The following TRIB3 variants were observed in gnomAD, a reference collection of about 807,000 sequenced individuals.
TRIB3 encodes tribbles pseudokinase 3.
TRIB3 carries 20 observed loss-of-function variants against 16.6 expected under a neutral mutation model. The ratio of observed to expected loss-of-function variants is 1.20; its 90% CI spans 0.85 to 1.75. The LOEUF is 1.75. Ranked by LOEUF, TRIB3 falls within the 40% of genes most tolerant of loss-of-function variation. TRIB3 has a pLI of 0.00. For synonymous variants in TRIB3, 208 were observed against 217.0 expected, an observed-to-expected ratio of 0.96 and a Z score of 0.36; for missense variants, 484 against 488.9, an observed-to-expected ratio of 0.99 and a Z score of 0.10.
rs1396379380 is a variant in TRIB3 at position 382,498 on chromosome 20, A to C, written c.-1+1329A>C. On this transcript the variant is annotated intron_variant, in intron 1 of 3. Transcript: ENST00000217233. ...CTCAGAACAGCCTTGAGATGTAAGG[A>C]GTGTCATCCCAGCCTCGAACCTGGG... 2.6e-6 allele frequency: 4 copies of C among 1,531,656 alleles called. No homozygotes were observed. The Admixed American group carries it at 7.9e-5, about 30-fold the overall frequency. The allele number at this position is 1,531,656 out of a possible 1,614,324, so 94.9% of individuals were successfully genotyped here.
At chr20:396,173 C>A (rs6051675) in intron 3 of TRIB3, 25 bp from the exon 4 acceptor site, 14 of 1,595,522 alleles carry the variant, frequency 8.8e-6, no homozygotes, top group Non-Finnish European at 1.2e-5. Context: ...AGGACCTGAC[C>A]CTTCTGTTTC....
At chr20:392,142 C>T (rs1194674482) in intron 3 of TRIB3, among the ~76,000 whole-genome samples, 3 of 152,222 alleles carry the variant, frequency 2.0e-5, no homozygotes, top group Non-Finnish European at 2.9e-5. Flanking sequence ...CATTATCTAA[C>T]GTGGTCTTCC....
chr20:386,878 C>CT (rs1390002968), intron 1 of TRIB3, among the ~76,000 whole-genome samples: 1 of 151,786 alleles, frequency 6.6e-6, no homozygotes, highest in African/African-American at 2.4e-5. Flanking sequence ...TCACGTGCTG[C>CT]TACCTGGGAT....
intron 3 of TRIB3, 85 bp downstream of exon 3, chr20:391,664 G>C: frequency 2.0e-6 from 3 of 1,495,536 alleles, no homozygotes; most frequent in Non-Finnish European, 2.7e-6. Flanking sequence ...AGGAAGGCAA[G>C]GTAACTTAGG....
chr20:382,124 TGTGC>T (rs72270862), intron 1 of TRIB3, among the ~76,000 whole-genome samples: 18,883 of 115,360 alleles, frequency 0.16, 1,266 homozygotes, highest in Middle Eastern at 0.25. Context: ...TGTGTGTGTG[TGTGC>T]GTGCGCGCGC....
chr20:397,001 A>C lies in TRIB3; in HGVS notation c.*311A>C. On this transcript the variant is annotated 3_prime_UTR_variant, in exon 4 of 4. Coordinates refer to ENST00000217233, the MANE Select transcript of TRIB3 (RefSeq NM_021158.5). ...GAGCTGACAACACTTTTCCATGACC[A>C]TAGGTCACTGTCTACACTGGGTACA... 1 of 345,406 alleles carries C rather than the reference A, an allele frequency of 2.9e-6. No individual in the cohort carries two copies. Among genetic ancestry groups the C allele is most frequent in the African/African-American group, 2.1e-5 (1 of 48,698 alleles). The allele number at this position is 345,406 out of a possible 1,614,324, so 21.4% of individuals were successfully genotyped here. A position where few individuals can be genotyped will look rare whatever the true frequency, so the allele number is the denominator to read the frequency against.
intron 2 of TRIB3, among the ~76,000 whole-genome samples, chr20:389,054 G>A (rs1165891912): frequency 2.0e-5 from 3 of 152,286 alleles, no homozygotes; most frequent in African/African-American, 7.2e-5. Context: ...GCAGGACACT[G>A]ACAAGTGACA....
intron 2 of TRIB3, 149 bp from the exon 3 acceptor site, chr20:391,138 A>G (rs8123369): frequency 0.22 from 190,389 of 853,378 alleles, 25,670 homozygotes; most frequent in East Asian, 0.56. Flanking sequence ...TTATAGGACC[A>G]TGGTCAGGGC....
At chr20:395,176 T>G (rs1465930476) in intron 3 of TRIB3, among the ~76,000 whole-genome samples, 1 of 151,414 alleles carries the variant, frequency 6.6e-6, no homozygotes, top group African/African-American at 2.4e-5. Context: ...TTTTTTTTTT[T>G]TGAGACAGGG....
chr20:382,416 A>G (rs2014686352), intron 1 of TRIB3: 2 of 993,648 alleles, frequency 2.0e-6, no homozygotes, highest in Non-Finnish European at 3.0e-6. Flanking sequence ...GACTCCAGGC[A>G]GTCTCCTGCT....
At position 380,782 on chromosome 20, in the gene TRIB3, A is replaced by T. The variant is rs2014614115; in HGVS notation, c.-388A>T. 6.6e-6 allele frequency: 1 copy of T among 151,978 alleles called. No homozygotes were observed. The highest frequency in any genetic ancestry group is 1.5e-5 in the Non-Finnish European group (1 of 68,208). 9.4% of individuals were successfully genotyped at this position (151,978 alleles called of 1,614,324 possible). On this transcript the variant is annotated 5_prime_UTR_variant, in exon 1 of 4. Transcript: ENST00000217233. Reference sequence around the variant, plus strand: ...ACCAGACGCCCCTAGGGGGCCAGCGAGGGCGGGTCCCAGGTGCAGCGGATG... The same window carrying T: ...ACCAGACGCCCCTAGGGGGCCAGCGTGGGCGGGTCCCAGGTGCAGCGGATG...
rs56032009 is a variant in TRIB3 at position 388,182 on chromosome 20, C to G, written c.172C>G (p.Arg58Gly). ...LPLSPPTAPD[R>G]ATAVATASRL... ...CCTGAGCCCACCTACTGCTCCAGAT[C>G]GTGCAACTGCTGTGGCCACTGCCTC... The change falls in exon 2 of 4, where the codon CGT becomes GGT. Residue 58 changes from arginine to glycine, a missense_variant. Arg to Gly is a moderately radical substitution (Grantham distance 125). Transcript: ENST00000217233. The G allele has an allele frequency of 1.2e-6, 2 of 1,613,926 alleles. No homozygotes were observed. Among genetic ancestry groups the G allele is most frequent in the Non-Finnish European group, 1.7e-6 (2 of 1,180,036 alleles).
chr20:392,511 C>CT (rs1164647534), intron 3 of TRIB3, among the ~76,000 whole-genome samples: 1 of 152,000 alleles, frequency 6.6e-6, no homozygotes, highest in Admixed American at 6.6e-5. Flanking sequence ...AGAATTAGCA[C>CT]TTTTTGGTTA....
At chr20:382,514 C>T (rs1308092701) in intron 1 of TRIB3, 40 of 1,535,014 alleles carry the variant, frequency 2.6e-5, no homozygotes, top group Non-Finnish European at 3.1e-5. Context: ...ATCCCAGCCT[C>T]GAACCTGGGG....
intron 1 of TRIB3, among the ~76,000 whole-genome samples, chr20:384,078 T>G (rs1347518321): frequency 6.6e-6 from 1 of 152,114 alleles, no homozygotes; most frequent in African/African-American, 2.4e-5. Flanking sequence ...CCTCTTGATC[T>G]TCCTCCTATG....
rs766237490 is a variant in TRIB3 at position 391,505 on chromosome 20, G to A, written c.510G>A (p.Leu170=). The A allele has an allele frequency of 6.2e-7, 1 of 1,613,766 alleles. No individual in the cohort carries two copies. Among genetic ancestry groups the A allele is most frequent in the Non-Finnish European group, 8.5e-7 (1 of 1,180,016 alleles). Residue 170 remains leucine (L), a synonymous_variant, in exon 3 of 4, where the codon CTG becomes CTA. Transcript: ENST00000217233. ...TCTTCCGCCAGATGGCCACCGCCCT[G>A]GCGCACTGTCACCAGCACGGTCTGG... ...AVLFRQMATA[L]AHCHQHGLVL...
At chr20:385,387 A>C (rs533410907) in intron 1 of TRIB3, 1 of 151,434 alleles carries the variant, frequency 6.6e-6, no homozygotes, top group East Asian at 1.9e-4. Flanking sequence ...TGCTGGGATT[A>C]CAGGTGTGAG....
rs778413413 is a variant in TRIB3 at position 396,678 on chromosome 20, T to C, written c.1065T>C (p.Val355=). Residue 355 remains valine, a synonymous_variant, in exon 4 of 4, where the codon GTT becomes GTC. Coordinates refer to ENST00000217233, the MANE Select transcript of TRIB3 (RefSeq NM_021158.5). ...AREEEGDREV[V]LYG The stretch of plus-strand genomic sequence containing the variant: ...AAGAGGAGGGAGACAGAGAAGTGGT[T>C]CTGTATGGCTAGGACCACCCTACTA... The C allele has an allele frequency of 5.0e-6, 8 of 1,610,148 alleles. No individual in the cohort carries two copies. In the South Asian group the frequency reaches 7.7e-5, roughly 16 times the overall value.
chr20:394,032 CT>C (rs745870371), intron 3 of TRIB3, among the ~76,000 whole-genome samples: 475 of 123,606 alleles, frequency 3.8e-3, no homozygotes, highest in African/African-American at 0.011. Flanking sequence ...TTCTTTCTTT[CT>C]TTTTTTTTTT....
Sources: allele counts gnomAD v4.1 joint callset (sites outside exome capture counted in the v4.1 genomes callset), GRCh38; gene constraint gnomAD v4.1.1; transcripts MANE v1.5; gene names NCBI Gene and HGNC (gene_info 2026-07-23, HGNC 2026-07-21).